Variants in MDFIC2 observed in about 807,000 individuals in gnomAD.
MDFIC2 encodes myoD family inhibitor domain-containing protein 2.
intron 2 of MDFIC2, among the ~76,000 whole-genome samples, chr3:70,263,285 T>C (rs1701885351): frequency 6.6e-6 from 1 of 151,756 alleles, no homozygotes; most frequent in Non-Finnish European, 1.5e-5. Flanking sequence ...AGTGCTGGTT[T>C]TTAAAAAAAT....
At chr3:70,246,541 A>C (rs1208368245) in intron 2 of MDFIC2, among the ~76,000 whole-genome samples, 1 of 152,098 alleles carries the variant, frequency 6.6e-6, no homozygotes, top group Non-Finnish European at 1.5e-5. Context: ...GCACAATTTA[A>C]TTTGAATTTC....
chr3:70,298,308 G>A (rs1702310938), intron 2 of MDFIC2, among the ~76,000 whole-genome samples: 1 of 151,974 alleles, frequency 6.6e-6, no homozygotes, highest in African/African-American at 2.4e-5. Flanking sequence ...TCAAGTGCTT[G>A]TTTCACAAAG....
chr3:70,214,434 A>G (rs1016634077), intron 2 of MDFIC2, among the ~76,000 whole-genome samples: 1 of 152,104 alleles, frequency 6.6e-6, no homozygotes, highest in African/African-American at 2.4e-5. Flanking sequence ...CTTTTTTAAA[A>G]AGAGAGAAAA....
At chr3:70,215,010 CAA>C in intron 2 of MDFIC2, among the ~76,000 whole-genome samples, 1 of 152,116 alleles carries the variant, frequency 6.6e-6, no homozygotes, top group East Asian at 1.9e-4. Flanking sequence ...CATATACAGT[CAA>C]TTTTTTTACT....
intron 2 of MDFIC2, among the ~76,000 whole-genome samples, chr3:70,208,581 T>A (rs146975121): frequency 6.6e-6 from 1 of 152,210 alleles, no homozygotes; most frequent in Admixed American, 6.5e-5. Flanking sequence ...GGAGAATTTT[T>A]GAAGCTCCTC....
chr3:70,200,217 G>A (rs993940259), intron 3 of MDFIC2, among the ~76,000 whole-genome samples: 13 of 152,132 alleles, frequency 8.5e-5, no homozygotes, highest in African/African-American at 3.1e-4. Context: ...TCCTGGCAAG[G>A]ACACTCTGCT....
intron 2 of MDFIC2, among the ~76,000 whole-genome samples, chr3:70,290,386 A>T (rs7622664): frequency 2.6e-5 from 4 of 152,182 alleles, no homozygotes; most frequent in Non-Finnish European, 5.9e-5. Context: ...GCCAGGGGTC[A>T]GGGACCCACT....
Position 70,284,308 on chromosome 3 carries a change from T to G in MDFIC2, c.88+27578A>C, listed in dbSNP as rs532532595. ...TTCTGTAAACTGCTCTACAATTTTA[T>G]AGAGTGAAGTTAGCCTTGTTCCAAG... On this transcript the variant is annotated intron_variant, in intron 2 of 3. Coordinates refer to ENST00000567252, the MANE Select transcript of MDFIC2 (RefSeq NM_001364677.1). 1.7e-4 allele frequency among the ~76,000 whole-genome samples: 26 copies of G among 152,306 alleles called. No homozygotes were observed. The South Asian group carries it at 2.1e-3, about 12-fold the overall frequency.
In MDFIC2 at chr3:70,233,476, C is replaced by T. The variant is rs1006735721; in HGVS notation, c.89-26686G>A. 2.6e-5 allele frequency among the ~76,000 whole-genome samples: 4 copies of T among 152,260 alleles called. No individual in the cohort carries two copies. In the South Asian group the frequency reaches 6.2e-4, roughly 24 times the overall value. On this transcript the variant is annotated intron_variant, in intron 2 of 3. Coordinates refer to ENST00000567252, the MANE Select transcript of MDFIC2 (RefSeq NM_001364677.1). Reference sequence around the variant, plus strand: ...CCTTTTCGTTGTTTGCTGTTTAAAACCTTTTTATAGATTTAAGATATATTA... The same window carrying T: ...CCTTTTCGTTGTTTGCTGTTTAAAATCTTTTTATAGATTTAAGATATATTA...
At chr3:70,289,678 C>T (rs1702210192) in intron 2 of MDFIC2, among the ~76,000 whole-genome samples, 1 of 152,044 alleles carries the variant, frequency 6.6e-6, no homozygotes, top group Non-Finnish European at 1.5e-5. Context: ...TCCATTCTCC[C>T]CATCACTTTC....
At chr3:70,235,946 C>T (rs1241824694) in intron 2 of MDFIC2, among the ~76,000 whole-genome samples, 1 of 152,120 alleles carries the variant, frequency 6.6e-6, no homozygotes, top group African/African-American at 2.4e-5. Flanking sequence ...GCCATTTTTC[C>T]CACCATCATG....
chr3:70,294,018 G>T (rs981043152), intron 2 of MDFIC2, among the ~76,000 whole-genome samples: 1 of 152,078 alleles, frequency 6.6e-6, no homozygotes, highest in Admixed American at 6.6e-5. Flanking sequence ...CAACAGCTGG[G>T]TGTATTTTAA....
chr3:70,290,284 G>T (rs931251513), intron 2 of MDFIC2, among the ~76,000 whole-genome samples: 1 of 152,164 alleles, frequency 6.6e-6, no homozygotes, highest in Non-Finnish European at 1.5e-5. Context: ...TAACAGACGG[G>T]ACTCTGAGCT....
At chr3:70,228,261 A>G (rs562883643) in intron 2 of MDFIC2, among the ~76,000 whole-genome samples, 1 of 152,210 alleles carries the variant, frequency 6.6e-6, no homozygotes, top group Non-Finnish European at 1.5e-5. Flanking sequence ...TGCTGAAGAA[A>G]ACATAACACT....
chr3:70,235,313 G>T (rs913915880), intron 2 of MDFIC2, among the ~76,000 whole-genome samples: 1 of 152,036 alleles, frequency 6.6e-6, no homozygotes, highest in Non-Finnish European at 1.5e-5. Flanking sequence ...TAAATCCTTT[G>T]TGCACTATTT....
intron 2 of MDFIC2, among the ~76,000 whole-genome samples, chr3:70,311,388 A>G (rs1483398357): frequency 1.3e-5 from 2 of 152,186 alleles, no homozygotes; most frequent in Admixed American, 1.3e-4. Context: ...TGCGTATTTC[A>G]AGCAACCATT....
At chr3:70,278,153 G>A (rs929075302) in intron 2 of MDFIC2, among the ~76,000 whole-genome samples, 1 of 151,782 alleles carries the variant, frequency 6.6e-6, no homozygotes, top group Non-Finnish European at 1.5e-5. Context: ...CAATTATTTT[G>A]CCTGTTCTTA....
chr3:70,291,872 T>C (rs993973919), intron 2 of MDFIC2: 3 of 152,224 alleles, frequency 2.0e-5, no homozygotes, highest in Admixed American at 6.5e-5. Flanking sequence ...CCTGGAAGAA[T>C]GTAGGAGTCT....
At chr3:70,223,148 T>C (rs1327152510) in intron 2 of MDFIC2, among the ~76,000 whole-genome samples, 2 of 152,204 alleles carry the variant, frequency 1.3e-5, no homozygotes, top group East Asian at 3.9e-4. Flanking sequence ...TCTATACTAC[T>C]CTTTACGTCT....
Sources: allele counts gnomAD v4.1 joint callset (sites outside exome capture counted in the v4.1 genomes callset), GRCh38; gene constraint gnomAD v4.1.1; transcripts MANE v1.5; gene names NCBI Gene and HGNC (gene_info 2026-07-23, HGNC 2026-07-21).